The following CSRNP3 variants were observed in gnomAD, a reference collection of about 807,000 sequenced individuals.
CSRNP3 encodes the protein cysteine and serine rich nuclear protein 3, also known as cysteine/serine-rich nuclear protein 3.
A neutral mutation model predicts 48.0 loss-of-function variants in CSRNP3; 12 were observed. The observed-to-expected ratio is 0.25, with a 90% confidence interval of 0.16 to 0.41. The LOEUF (loss-of-function observed/expected upper bound fraction) is 0.41, where lower values mean the gene tolerates loss of function less well. Among genes scored for constraint, CSRNP3 ranks in the 10% least tolerant of loss-of-function variants. CSRNP3 has a pLI of 1.00. For missense variants in CSRNP3, 580 were observed against 724.4 expected (o/e 0.80, Z 2.29); for synonymous variants, 263 against 269.7 (o/e 0.98, Z 0.24).
chr2:165,658,315 C>G (rs768617072), intron 5 of CSRNP3, among the ~76,000 whole-genome samples: 5 of 152,062 alleles, frequency 3.3e-5, no homozygotes, highest in Non-Finnish European at 7.3e-5. Flanking sequence ...GTGGTCCTCT[C>G]TCTATAGGAA....
intron 5 of CSRNP3, among the ~76,000 whole-genome samples, chr2:165,667,159 A>G (rs546303252): frequency 1.0e-3 from 153 of 152,224 alleles, no homozygotes; most frequent in African/African-American, 3.6e-3. Context: ...GAAGGAAGGA[A>G]GGAAGGAAGG....
chr2:165,611,338 G>C (rs1686132428), intron 4 of CSRNP3, among the ~76,000 whole-genome samples: 1 of 148,896 alleles, frequency 6.7e-6, no homozygotes, highest in Non-Finnish European at 1.5e-5. Flanking sequence ...TTGTTAATTA[G>C]CTAGATTTAA....
rs201971568 is a variant in CSRNP3 at position 165,599,937 on chromosome 2, T to C, written c.148+4724T>C. ...TTTAATTTCACATTGGGATTCTTTT[T>C]TTTTTTTTATTATACTTTAAGTTTT... is the stretch of plus-strand genomic sequence containing the variant. On this transcript the variant is annotated intron_variant, in intron 4 of 6. Transcript: ENST00000651982. 9.1e-3 allele frequency among the ~76,000 whole-genome samples: 1,389 copies of C among 152,114 alleles called. 27 individuals carry two copies. Among genetic ancestry groups the C allele is most frequent in the African/African-American group, 0.032 (1,324 of 41,492 alleles).
intron 5 of CSRNP3, among the ~76,000 whole-genome samples, chr2:165,672,865 G>C (rs1168299620): frequency 6.6e-6 from 1 of 152,162 alleles, no homozygotes; most frequent in African/African-American, 2.4e-5. Flanking sequence ...TGGAAGAAAA[G>C]ACTGGGGAAG....
At chr2:165,631,526 A>G (rs1055299620) in intron 4 of CSRNP3, among the ~76,000 whole-genome samples, 1 of 152,182 alleles carries the variant, frequency 6.6e-6, no homozygotes, top group Non-Finnish European at 1.5e-5. Context: ...ATAGCAGCCA[A>G]TGGCCAGCTC....
At chr2:165,631,291 C>G (rs1019277808) in intron 4 of CSRNP3, among the ~76,000 whole-genome samples, 1 of 152,108 alleles carries the variant, frequency 6.6e-6, no homozygotes, top group African/African-American at 2.4e-5. Flanking sequence ...ATTGGCTCTG[C>G]CTGTAAATTA....
intron 4 of CSRNP3, among the ~76,000 whole-genome samples, chr2:165,633,100 G>C (rs1686566413): frequency 6.6e-6 from 1 of 152,180 alleles, no homozygotes; most frequent in Non-Finnish European, 1.5e-5. Context: ...GTGTAGTTAA[G>C]CTTGTTTAAT....
chr2:165,515,230 C>T (rs1036834210), intron 2 of CSRNP3, among the ~76,000 whole-genome samples: 1 of 151,096 alleles, frequency 6.6e-6, no homozygotes, highest in African/African-American at 2.4e-5. Flanking sequence ...GAGGCTGAGG[C>T]AGGAGAATCG....
chr2:165,652,763 C>T (rs1433395182), intron 4 of CSRNP3, among the ~76,000 whole-genome samples: 5 of 151,954 alleles, frequency 3.3e-5, no homozygotes, highest in African/African-American at 1.2e-4. Context: ...AGGCTGGTCT[C>T]GAACTCCTGA....
chr2:165,646,087 A>T (rs13016348), intron 4 of CSRNP3, among the ~76,000 whole-genome samples: 10,204 of 152,232 alleles, frequency 0.067, 386 homozygotes, highest in Middle Eastern at 0.078. Context: ...ATATGGATCC[A>T]GTAAAACAGC....
At chr2:165,594,123 T>A (rs1270157058) in intron 3 of CSRNP3, among the ~76,000 whole-genome samples, 1 of 152,116 alleles carries the variant, frequency 6.6e-6, no homozygotes. Context: ...CCAAAAAAAA[T>A]TCAAAATTCA....
chr2:165,500,473 G>A (rs1479553239), intron 2 of CSRNP3, among the ~76,000 whole-genome samples: 2 of 145,706 alleles, frequency 1.4e-5, no homozygotes, highest in Non-Finnish European at 3.0e-5. Context: ...ATTTTGAGAC[G>A]GAGTCTCCCT....
In CSRNP3 at chr2:165,666,635, G is replaced by A. The variant is rs1229362268; in HGVS notation, c.408+8615G>A. On this transcript the variant is annotated intron_variant, in intron 5 of 6. Transcript: ENST00000651982. ...GAAAGAGAGAAAGGAAGGAAGTAAG[G>A]GAGGAAAGACAGAGAGGAAGAAAAG... 2.2e-5 allele frequency among the ~76,000 whole-genome samples: 2 copies of A among 91,972 alleles called. 1 individual carries two copies. Among genetic ancestry groups the A allele is most frequent in the African/African-American group, 8.2e-5 (2 of 24,384 alleles). 60.3% of individuals were successfully genotyped at this position (91,972 alleles called of 152,430 possible).
chr2:165,473,603 G>A lies in CSRNP3; in HGVS notation c.-283+3863G>A, dbSNP rs544090418. Among the ~76,000 whole-genome samples, 37 of 152,156 alleles carry A rather than the reference G, an allele frequency of 2.4e-4. No homozygotes were observed. The Middle Eastern group carries it at 0.01, about 42-fold the overall frequency. ...TTAATACCTGATAGTTTAATACAGG[G>A]CTTATACAGATATTAAAAGGGGGTT... is the stretch of plus-strand genomic sequence containing the variant. On this transcript the variant is annotated intron_variant, in intron 1 of 6. Coordinates refer to ENST00000651982, the MANE Select transcript of CSRNP3 (RefSeq NM_001172173.2).
intron 2 of CSRNP3, among the ~76,000 whole-genome samples, chr2:165,497,258 G>GT (rs370969771): frequency 3.9e-5 from 6 of 151,970 alleles, no homozygotes; most frequent in African/African-American, 1.2e-4. Context: ...AAGTTGATGA[G>GT]TTTTTTTCCC....
At chr2:165,640,734 A>G (rs935320338) in intron 4 of CSRNP3, among the ~76,000 whole-genome samples, 2 of 152,212 alleles carry the variant, frequency 1.3e-5, no homozygotes, top group East Asian at 3.8e-4. Flanking sequence ...TTCCAGAACT[A>G]ATAAAGGAAG....
intron 1 of CSRNP3, among the ~76,000 whole-genome samples, chr2:165,490,906 A>T (rs2105457149): frequency 7.6e-6 from 1 of 132,350 alleles, no homozygotes; most frequent in Admixed American, 7.8e-5. Context: ...CTTCATGTCC[A>T]AAACACCAAA....
intron 3 of CSRNP3, among the ~76,000 whole-genome samples, chr2:165,570,900 G>A (rs1360656883): frequency 6.6e-6 from 1 of 151,746 alleles, no homozygotes; most frequent in Admixed American, 6.6e-5. Context: ...ATTTATTTAA[G>A]TCATAAACAT....
At chr2:165,619,032 TGTCA>T in intron 4 of CSRNP3, among the ~76,000 whole-genome samples, 1 of 152,340 alleles carries the variant, frequency 6.6e-6, no homozygotes, top group Admixed American at 6.5e-5. Flanking sequence ...GTCATAAAAC[TGTCA>T]GTCATGAATT....
Sources: allele counts gnomAD v4.1 joint callset (sites outside exome capture counted in the v4.1 genomes callset), GRCh38; gene constraint gnomAD v4.1.1; transcripts MANE v1.5; gene names NCBI Gene and HGNC (gene_info 2026-07-23, HGNC 2026-07-21).